Variants in GBE1 observed in about 807,000 individuals in gnomAD.
The protein encoded by GBE1 is 1,4-alpha-glucan branching enzyme 1.
GBE1 carries 70 observed loss-of-function variants against 88.8 expected under a neutral mutation model. That is an observed-to-expected ratio of 0.79 (90% CI 0.65 to 0.96). The LOEUF (loss-of-function observed/expected upper bound fraction) is 0.96. Ranked by LOEUF, GBE1 falls within the 40% of genes least tolerant of loss-of-function variation. GBE1 has a pLI of 0.00. For missense variants in GBE1, 872 were observed against 871.0 expected (o/e 1.00, Z -0.01); for synonymous variants, 284 against 300.1 (o/e 0.95, Z 0.56).
chr3:81,546,977 G>C (rs1703213041), intron 12 of GBE1, among the ~76,000 whole-genome samples: 1 of 151,122 alleles, frequency 6.6e-6, no homozygotes, highest in African/African-American at 2.4e-5. Flanking sequence ...GGAAACTCCT[G>C]ACCCAAAGAC....
At chr3:81,670,639 CCT>C (rs1705176703) in intron 3 of GBE1, among the ~76,000 whole-genome samples, 197 bp downstream of exon 3, 2 of 152,090 alleles carry the variant, frequency 1.3e-5, no homozygotes. Context: ...AAGTTTGGTT[CCT>C]TACCAGCCAA....
At chr3:81,544,935 A>G (rs1316306290) in intron 12 of GBE1, among the ~76,000 whole-genome samples, 1 of 152,120 alleles carries the variant, frequency 6.6e-6, no homozygotes, top group Non-Finnish European at 1.5e-5. Flanking sequence ...TACTAATTTT[A>G]CCTAGGAATT....
intron 12 of GBE1, among the ~76,000 whole-genome samples, chr3:81,572,262 T>C (rs913699239): frequency 1.4e-4 from 22 of 152,148 alleles, no homozygotes; most frequent in African/African-American, 4.8e-4. Context: ...CTTTCCTTTA[T>C]AAATTACCCA....
At chr3:81,606,995 G>A (rs138187766) in intron 7 of GBE1, among the ~76,000 whole-genome samples, 147 of 152,098 alleles carry the variant, frequency 9.7e-4, no homozygotes, top group African/African-American at 3.0e-3. Context: ...GAAACCATAC[G>A]GTAAATATTT....
intron 1 of GBE1, among the ~76,000 whole-genome samples, chr3:81,757,784 T>A (rs1251875948): frequency 2.6e-5 from 4 of 152,168 alleles, no homozygotes; most frequent in Non-Finnish European, 5.9e-5. Flanking sequence ...AATGAAGATA[T>A]AAATAAGTCC....
At chr3:81,499,274 A>G (rs773334252) in intron 14 of GBE1, 47 bp from the exon 15 acceptor site, 73 of 1,096,944 alleles carry the variant, frequency 6.7e-5, no homozygotes, top group Non-Finnish European at 9.1e-5. Context: ...TGAATGAGAC[A>G]TTGTAAAATA....
chr3:81,688,188 A>G (rs1027076555), intron 2 of GBE1, among the ~76,000 whole-genome samples: 2 of 152,236 alleles, frequency 1.3e-5, no homozygotes, highest in Non-Finnish European at 1.5e-5. Flanking sequence ...TGGTGCACCA[A>G]TTAAGAGTGA....
chr3:81,680,859 G>C (rs550352015), intron 2 of GBE1, among the ~76,000 whole-genome samples: 50 of 152,320 alleles, frequency 3.3e-4, no homozygotes, highest in Admixed American at 1.2e-3. Context: ...AGTTTGCAAC[G>C]CCAGAGAGGG....
chr3:81,732,983 A>C (rs985205015), intron 1 of GBE1, among the ~76,000 whole-genome samples: 1 of 152,062 alleles, frequency 6.6e-6, no homozygotes, highest in African/African-American at 2.4e-5. Context: ...CTGTTTCCTG[A>C]ATACTCTAGG....
At chr3:81,588,100 CTTCT>C (rs1703823737) in intron 9 of GBE1, among the ~76,000 whole-genome samples, 1 of 89,236 alleles carries the variant, frequency 1.1e-5, no homozygotes, top group South Asian at 2.7e-4. Flanking sequence ...AGGTCAAATG[CTTCT>C]TTTTTTTTTT....
intron 1 of GBE1, among the ~76,000 whole-genome samples, chr3:81,724,908 C>T (rs1706086683): frequency 6.6e-6 from 1 of 152,148 alleles, no homozygotes; most frequent in Non-Finnish European, 1.5e-5. Context: ...TCTGTGTTGT[C>T]CATCTGCATC....
chr3:81,741,614 T>A (rs1404996895), intron 1 of GBE1, among the ~76,000 whole-genome samples: 1 of 151,920 alleles, frequency 6.6e-6, no homozygotes, highest in Non-Finnish European at 1.5e-5. Context: ...GAAATCAGCA[T>A]AATTAATGGG....
intron 14 of GBE1, among the ~76,000 whole-genome samples, chr3:81,507,024 G>A (rs1315290706): frequency 6.6e-6 from 1 of 151,846 alleles, no homozygotes; most frequent in East Asian, 1.9e-4. Context: ...CATGACACAA[G>A]TTTACCTATA....
chr3:81,637,165 A>C (rs1704603321), intron 7 of GBE1, among the ~76,000 whole-genome samples: 1 of 152,186 alleles, frequency 6.6e-6, no homozygotes, highest in African/African-American at 2.4e-5. Flanking sequence ...ATGTGAATGT[A>C]ATCTTTCTTT....
At chr3:81,611,952 A>G (rs1704187570) in intron 7 of GBE1, among the ~76,000 whole-genome samples, 1 of 152,120 alleles carries the variant, frequency 6.6e-6, no homozygotes, top group Admixed American at 6.6e-5. Context: ...CACAAGAAAA[A>G]CCTCAAGAGA....
At position 81,489,719 on chromosome 3, in the gene GBE1, T is replaced by C. The variant is rs1702413587; in HGVS notation, c.*688A>G. ...CAAAGGCAATTTTACAAAAGCTTTT[T>C]ATTGATTGAAATGAAAGACATTTTC... On this transcript the variant is annotated 3_prime_UTR_variant, in exon 16 of 16. Transcript: ENST00000429644. 6.6e-6 allele frequency: 1 copy of C among 152,118 alleles called. No individual in the cohort carries two copies. Among genetic ancestry groups the C allele is most frequent in the Admixed American group, 6.6e-5 (1 of 15,258 alleles). 9.4% of individuals were successfully genotyped at this position (152,118 alleles called of 1,614,324 possible).
At chr3:81,590,999 A>C in intron 9 of GBE1, 38 bp downstream of exon 9, 10 of 1,566,848 alleles carry the variant, frequency 6.4e-6, no homozygotes, top group Non-Finnish European at 8.7e-6. Flanking sequence ...ACTCTCTATT[A>C]AAGGGGGTCA....
chr3:81,507,963 A>G (rs6798069), intron 14 of GBE1, among the ~76,000 whole-genome samples: 44,536 of 151,816 alleles, frequency 0.29, 6,689 homozygotes, highest in East Asian at 0.42. Flanking sequence ...TCGGCCATAC[A>G]TTTTTAGAAA....
chr3:81,506,197 C>A lies in GBE1; in HGVS notation c.1935-6970G>T, dbSNP rs531658908. On this transcript the variant is annotated intron_variant, in intron 14 of 15. Coordinates refer to ENST00000429644, the MANE Select transcript of GBE1 (RefSeq NM_000158.4). ...TCTAATATTCAGCATCTATAAGGAA[C>A]TCAAATTTACAAGGAAAAAAACAAA... Among the ~76,000 whole-genome samples the A allele has an allele frequency of 8.8e-4, 134 of 152,066 alleles. 2 individuals are homozygous for A. Among genetic ancestry groups the A allele is most frequent in the African/African-American group, 3.0e-3 (123 of 41,480 alleles).
Sources: gnomAD v4.1 joint callset for allele counts (sites outside exome capture counted in the v4.1 genomes callset) on GRCh38, gnomAD v4.1.1 for gene constraint, MANE v1.5 for transcripts, NCBI Gene and HGNC (gene_info 2026-07-23, HGNC 2026-07-21) for gene names.